The following GLDC variants were observed in gnomAD, a reference collection of about 807,000 sequenced individuals.
The protein encoded by GLDC is glycine decarboxylase.
A neutral mutation model predicts 121.3 loss-of-function variants in GLDC; 104 were observed. The observed-to-expected ratio is 0.86, with a 90% CI of 0.73 to 1.01. GLDC has a LOEUF of 1.01. Among genes scored for constraint, GLDC ranks in the 50% least tolerant of loss-of-function variants. The probability of loss-of-function intolerance (pLI) is 0.00; values close to 1 mark genes in which losing one functional copy is unlikely to be tolerated. For synonymous variants in GLDC, 546 were observed against 480.6 expected (o/e 1.14, Z -1.78); for missense variants, 1,429 against 1,306.6 (o/e 1.09, Z -1.44).
chr9:6,620,048 G>A (rs1819052725), intron 3 of GLDC, 136 bp downstream of exon 3: 2 of 836,510 alleles, frequency 2.4e-6, no homozygotes, highest in Non-Finnish European at 4.1e-6. Context: ...AAACCCGGTA[G>A]GTTCCCGGAC....
Position 6,558,805 on chromosome 9 carries a change from G to A in GLDC, c.1927-121C>T, listed in dbSNP as rs574566346. ...GACACCACCTGTTTTTATTTAGGCT[G>A]AACACTAGTGCTTTAAAATCTGCTA... On this transcript the variant is annotated intron_variant, in intron 16 of 24. Transcript: ENST00000321612. The A allele has an allele frequency of 2.2e-4, 226 of 1,008,790 alleles. 2 individuals are homozygous for A. In the Admixed American group the frequency reaches 4.3e-3, roughly 19 times the overall value. 62.5% of individuals were successfully genotyped at this position (1,008,790 alleles called of 1,614,324 possible).
chr9:6,607,495 T>C (rs1410688583), intron 4 of GLDC, among the ~76,000 whole-genome samples: 1 of 151,722 alleles, frequency 6.6e-6, no homozygotes, highest in East Asian at 2.0e-4. Flanking sequence ...GGCAGGAGAA[T>C]TGCTTGAACC....
chr9:6,602,919 A>G (rs1818646519), intron 7 of GLDC, among the ~76,000 whole-genome samples: 1 of 152,156 alleles, frequency 6.6e-6, no homozygotes, highest in African/African-American at 2.4e-5. Flanking sequence ...AAATAATACA[A>G]CAATTAAAAA....
chr9:6,590,737 T>G (rs1003419034), intron 11 of GLDC, among the ~76,000 whole-genome samples: 1 of 152,198 alleles, frequency 6.6e-6, no homozygotes, highest in African/African-American at 2.4e-5. Context: ...TCTTGACCCC[T>G]TAGTGATGCT....
chr9:6,580,491 G>A (rs1335607307), intron 15 of GLDC, among the ~76,000 whole-genome samples: 1 of 152,092 alleles, frequency 6.6e-6, no homozygotes, highest in Admixed American at 6.6e-5. Context: ...GAAGATGTAG[G>A]GCTCAGCATA....
At chr9:6,556,660 G>T (rs1360626205) in intron 17 of GLDC, among the ~76,000 whole-genome samples, 1 of 152,068 alleles carries the variant, frequency 6.6e-6, no homozygotes, top group East Asian at 1.9e-4. Flanking sequence ...GAGCATGGTG[G>T]CAGGTGCCTG....
At chr9:6,536,285 C>T in intron 22 of GLDC, 49 bp from the exon 23 acceptor site, 1 of 1,514,336 alleles carries the variant, frequency 6.6e-7, no homozygotes, top group Non-Finnish European at 9.1e-7. Flanking sequence ...CAGTGGCCTA[C>T]CCAGTTTGGA....
intron 21 of GLDC, among the ~76,000 whole-genome samples, chr9:6,549,370 A>G (rs7854679): frequency 0.15 from 22,427 of 150,084 alleles, 2,001 homozygotes; most frequent in East Asian, 0.28. Flanking sequence ...GGGGTGGGCA[A>G]GAGGAGGGAG....
chr9:6,559,472 G>A (rs1361204470), intron 16 of GLDC, among the ~76,000 whole-genome samples: 3 of 145,308 alleles, frequency 2.1e-5, no homozygotes, highest in Admixed American at 7.1e-5. Context: ...CCGAGATTGC[G>A]CTATTGCACT....
intron 5 of GLDC, among the ~76,000 whole-genome samples, chr9:6,605,709 AC>A (rs1445290506): frequency 2.0e-5 from 3 of 151,974 alleles, no homozygotes; most frequent in Non-Finnish European, 4.4e-5. Context: ...TATGTCAGAA[AC>A]CCCCCCTCTG....
intron 17 of GLDC, chr9:6,558,109 T>G: frequency 8.5e-6 from 2 of 235,940 alleles, no homozygotes; most frequent in Non-Finnish European, 1.7e-5. Flanking sequence ...GGTTGGGAGG[T>G]TGAGAGTGGG....
intron 2 of GLDC, chr9:6,639,511 G>T: frequency 1.2e-6 from 1 of 830,218 alleles, no homozygotes; most frequent in Middle Eastern, 3.4e-4. Flanking sequence ...GTGGCCAAGG[G>T]CAACACCCTG....
At chr9:6,631,428 G>C (rs566379714) in intron 2 of GLDC, among the ~76,000 whole-genome samples, 64 of 152,300 alleles carry the variant, frequency 4.2e-4, no homozygotes, top group African/African-American at 1.4e-3. Context: ...TGTGGGGAGT[G>C]GGACAAGGGA....
chr9:6,644,319 G>C (rs993749686), intron 2 of GLDC, among the ~76,000 whole-genome samples: 1 of 152,008 alleles, frequency 6.6e-6, no homozygotes, highest in Non-Finnish European at 1.5e-5. Flanking sequence ...TGGCCGGTGA[G>C]AGGGTGCCTG....
intron 3 of GLDC, among the ~76,000 whole-genome samples, chr9:6,611,675 T>C (rs1252135023): frequency 6.6e-6 from 1 of 152,242 alleles, no homozygotes; most frequent in African/African-American, 2.4e-5. Flanking sequence ...TCATTTCCTT[T>C]TTAGCAGACA....
intron 8 of GLDC, among the ~76,000 whole-genome samples, chr9:6,597,742 C>G (rs1041611135): frequency 1.3e-5 from 2 of 152,044 alleles, no homozygotes; most frequent in Non-Finnish European, 1.5e-5. Flanking sequence ...CGAGACCATC[C>G]TGGCTAACAT....
At chr9:6,581,011 G>C (rs144952600) in intron 15 of GLDC, among the ~76,000 whole-genome samples, 1 of 152,160 alleles carries the variant, frequency 6.6e-6, no homozygotes, top group East Asian at 1.9e-4. Flanking sequence ...GACCGTATAT[G>C]AACTCAAGCA....
chr9:6,579,703 T>C (rs1332744445), intron 15 of GLDC, among the ~76,000 whole-genome samples: 1 of 152,176 alleles, frequency 6.6e-6, no homozygotes, highest in Non-Finnish European at 1.5e-5. Context: ...ATGTCCTTTT[T>C]ACTTAATACT....
intron 2 of GLDC, chr9:6,639,694 A>G (rs1242774285): frequency 7.2e-6 from 1 of 138,400 alleles, no homozygotes; most frequent in African/African-American, 6.4e-5. Context: ...TATATGGACA[A>G]AACAGATTCT....
Sources: allele counts gnomAD v4.1 joint callset (sites outside exome capture counted in the v4.1 genomes callset), GRCh38; gene constraint gnomAD v4.1.1; transcripts MANE v1.5; gene names NCBI Gene and HGNC (gene_info 2026-07-23, HGNC 2026-07-21).